HERC1: variants seen among roughly 807,000 people sequenced by gnomAD.
HERC1 encodes the protein probable E3 ubiquitin-protein ligase HERC1.
In HERC1, 160 loss-of-function variants were observed where a neutral mutation model predicts 554.3. The ratio of observed to expected loss-of-function variants is 0.29; its 90% CI spans 0.25 to 0.33. HERC1 has a LOEUF of 0.33. Ranked by LOEUF, HERC1 falls within the 10% of genes least tolerant of loss-of-function variation. HERC1 has a pLI of 1.00. For synonymous variants in HERC1, 2,175 were observed against 2,131.7 expected, an observed-to-expected ratio of 1.02 and a Z score of -0.56; for missense variants, 4,919 against 5,918.5, an observed-to-expected ratio of 0.83 and a Z score of 5.54.
intron 2 of HERC1, among the ~76,000 whole-genome samples, chr15:63,768,060 T>C (rs2075838314): frequency 6.6e-6 from 1 of 152,230 alleles, no homozygotes; most frequent in African/African-American, 2.4e-5. Context: ...TCCAAATCCC[T>C]CACTTCTCAG....
At chr15:63,755,470 A>G in intron 5 of HERC1, 145 bp from the exon 6 acceptor site, 1 of 671,004 alleles carries the variant, frequency 1.5e-6, no homozygotes. Context: ...GGCTGTGTTC[A>G]GGCCAAGGAT....
At chr15:63,797,567 C>T (rs1265840103) in intron 1 of HERC1, among the ~76,000 whole-genome samples, 1 of 152,184 alleles carries the variant, frequency 6.6e-6, no homozygotes, top group East Asian at 1.9e-4. Flanking sequence ...TTCCCCATTC[C>T]CTAGTCCCCC....
chr15:63,628,061 G>C (rs1043198049), intron 70 of HERC1, among the ~76,000 whole-genome samples: 1 of 152,122 alleles, frequency 6.6e-6, no homozygotes, highest in Non-Finnish European at 1.5e-5. Context: ...CTAACAGTGG[G>C]CCTTAGAAAG....
chr15:63,788,488 G>C (rs1201812422), intron 1 of HERC1, among the ~76,000 whole-genome samples: 2 of 152,318 alleles, frequency 1.3e-5, no homozygotes, highest in Non-Finnish European at 1.5e-5. Flanking sequence ...TTAGGGCATA[G>C]AGCAAAGAGT....
At chr15:63,669,476 A>G in intron 40 of HERC1, 62 bp downstream of exon 40, 6 of 1,496,450 alleles carry the variant, frequency 4.0e-6, no homozygotes, top group Non-Finnish European at 5.6e-6. Flanking sequence ...TGCCCACATA[A>G]TAAAGTCCCA....
intron 37 of HERC1, among the ~76,000 whole-genome samples, chr15:63,676,787 TA>T (rs2071234425): frequency 6.6e-6 from 1 of 152,076 alleles, no homozygotes; most frequent in East Asian, 1.9e-4. Context: ...AAATAAAATT[TA>T]AAAAGATATT....
rs376415713 is a variant in HERC1, at chr15:63,775,003, T to G, written c.621A>C (p.Ser207=). The G allele has an allele frequency of 1.2e-6, 2 of 1,613,910 alleles. No individual in the cohort carries two copies. Among genetic ancestry groups the G allele is most frequent in the African/African-American group, 2.7e-5 (2 of 74,936 alleles). ...IEVVSSLPPL[S]LANESKIPPM... is the part of the protein sequence containing the mutation. Reference sequence around the variant, plus strand: ...GAGGAATCTTGCTTTCATTTGCTAATGATAATGGTGGCAAAGAGCTCACAA... The same window carrying G: ...GAGGAATCTTGCTTTCATTTGCTAAGGATAATGGTGGCAAAGAGCTCACAA... The change falls in exon 2 of 78, where the codon TCA becomes TCC. Residue 207 remains serine (S), a synonymous_variant. Coordinates refer to ENST00000443617, the MANE Select transcript of HERC1 (RefSeq NM_003922.4). This position sits in a 1 kb window ranked among gnomAD's most constrained non-coding sequence, Gnocchi z 4.0.
At chr15:63,623,492 C>T (rs2068174353) in intron 73 of HERC1, among the ~76,000 whole-genome samples, 1 of 152,208 alleles carries the variant, frequency 6.6e-6, no homozygotes, top group Non-Finnish European at 1.5e-5. Context: ...GATGGTGAGT[C>T]ATTGGTAGAT....
chr15:63,787,315 C>T (rs1356491965), intron 1 of HERC1, among the ~76,000 whole-genome samples: 1 of 151,804 alleles, frequency 6.6e-6, no homozygotes, highest in African/African-American at 2.4e-5. Flanking sequence ...CACCACCACA[C>T]CCAGCTAATT....
chr15:63,634,790 G>C lies in HERC1; in HGVS notation c.12513C>G (p.Thr4171=), dbSNP rs2068710251. The C allele has an allele frequency of 3.7e-6, 6 of 1,613,226 alleles. No homozygotes were observed. In the African/African-American group the frequency reaches 4.0e-5, roughly 11 times the overall value. The change falls in exon 66 of 78, where the codon ACC becomes ACG. Residue 4171 remains threonine, a synonymous_variant. Coordinates refer to ENST00000443617, the MANE Select transcript of HERC1 (RefSeq NM_003922.4). ...CTCTCTCTGGAAGTTTTTTGTTAGA[G>C]GTATTTCCAAGACCCAGACGACCAT... ...GDYGRLGLGN[T]SNKKLPERVT...
intron 1 of HERC1, 33 bp downstream of exon 1, chr15:63,833,794 A>ACACACACACACACACACACAC (rs1567176642): frequency 7.3e-5 from 10 of 137,544 alleles, no homozygotes; most frequent in African/African-American, 2.5e-4. Context: ...CACACACAGG[A>ACACACACACACACACACACAC]CCAGGAGGAC....
At chr15:63,761,549 T>C (rs764669264) in intron 3 of HERC1, among the ~76,000 whole-genome samples, 2 of 146,866 alleles carry the variant, frequency 1.4e-5, no homozygotes, top group Non-Finnish European at 3.0e-5. Flanking sequence ...ATCACAGCAC[T>C]GCACACTCTA....
chr15:63,792,189 G>T (rs2076673632), intron 1 of HERC1, among the ~76,000 whole-genome samples: 1 of 152,080 alleles, frequency 6.6e-6, no homozygotes, highest in South Asian at 2.1e-4. Context: ...GATGGTATCA[G>T]GAAATTAAAG....
At chr15:63,810,696 T>C (rs556814068) in intron 1 of HERC1, among the ~76,000 whole-genome samples, 2 of 152,308 alleles carry the variant, frequency 1.3e-5, no homozygotes, top group East Asian at 3.9e-4. Context: ...GAAAGCGTTG[T>C]AGGAGAGACA....
In HERC1 at chr15:63,723,349, C is replaced by T. The variant is rs1260575688; in HGVS notation, c.3575G>A (p.Cys1192Tyr). The T allele has an allele frequency of 1.3e-6, 2 of 1,549,894 alleles. No individual in the cohort carries two copies. The highest frequency in any genetic ancestry group is 2.0e-5 in the Admixed American group (1 of 49,762). ...VEMDTPQLDKCMSCLLEVALS... is the reference protein window; with the variant it reads ...VEMDTPQLDKYMSCLLEVALS... The stretch of plus-strand genomic sequence containing the variant: ...TGCTACTTCTAACAGGCAACTCATA[C>T]ATTTATCTAAAAAAAATACTCACGT... Residue 1192 changes from cysteine (C) to tyrosine (Y), a missense_variant, in exon 19 of 78, where the codon TGT (cysteine) becomes TAT (tyrosine). Cys to Tyr is a radical substitution (Grantham distance 194, BLOSUM62 -2). Transcript: ENST00000443617.
intron 26 of HERC1, among the ~76,000 whole-genome samples, chr15:63,697,450 A>ATTTTTTTTTTTTTTTTTT (rs35244420): frequency 9.2e-6 from 1 of 108,498 alleles, no homozygotes; most frequent in Non-Finnish European, 1.9e-5. Flanking sequence ...GTTAATCTTG[A>ATTTTTTTTTTTTTTTTTT]TTTTTTTTTT....
At chr15:63,801,123 C>T (rs187536919) in intron 1 of HERC1, among the ~76,000 whole-genome samples, 1 of 152,166 alleles carries the variant, frequency 6.6e-6, no homozygotes, top group African/African-American at 2.4e-5. Context: ...CATGCCCCTA[C>T]CCCCTGTATC....
chr15:63,636,280 T>G, intron 64 of HERC1, 138 bp from the exon 65 acceptor site: 1 of 783,778 alleles, frequency 1.3e-6, no homozygotes, highest in Non-Finnish European at 1.9e-6. Flanking sequence ...TTAGTTTTTT[T>G]TTTTTTTTTA....
At chr15:63,645,791 CATTT>C in intron 55 of HERC1, 109 bp from the exon 56 acceptor site, 5 of 674,954 alleles carry the variant, frequency 7.4e-6, no homozygotes, top group Non-Finnish European at 1.2e-5. Flanking sequence ...TTCTATAACT[CATTT>C]ATTTTGAAAT....
Sources: allele counts gnomAD v4.1 joint callset (sites outside exome capture counted in the v4.1 genomes callset), GRCh38; gene constraint gnomAD v4.1.1; non-coding constraint Gnocchi (gnomAD v3.1); transcripts MANE v1.5; gene names NCBI Gene and HGNC (gene_info 2026-07-23, HGNC 2026-07-21).